The following PCNT variants were observed in gnomAD, a reference collection of about 807,000 sequenced individuals.
PCNT encodes pericentrin.
PCNT carries 319 observed loss-of-function variants against 380.4 expected under a neutral mutation model. The observed-to-expected ratio is 0.84, with a 90% CI of 0.77 to 0.92. PCNT has a LOEUF of 0.92. Ranked by LOEUF, PCNT falls within the 40% of genes least tolerant of loss-of-function variation. The pLI, the probability that PCNT is intolerant of heterozygous loss-of-function variation, is 0.00. For synonymous variants in PCNT, 1,845 were observed against 1,735.2 expected (o/e 1.06, Z -1.57); for missense variants, 4,400 against 4,255.3 (o/e 1.03, Z -0.95).
chr21:46,348,931 A>T, intron 6 of PCNT, 81 bp from the exon 7 acceptor site: 1 of 977,422 alleles, frequency 1.0e-6, no homozygotes, highest in Admixed American at 1.8e-5. Flanking sequence ...TGGCCTGCTC[A>T]GAGGTTTTGA....
chr21:46,365,536 CGT>C (rs2084885726), intron 14 of PCNT, among the ~76,000 whole-genome samples: 1 of 142,092 alleles, frequency 7.0e-6, no homozygotes, highest in Non-Finnish European at 1.5e-5. Flanking sequence ...TATTCACTGC[CGT>C]GGGGTTCTGA....
intron 42 of PCNT, 122 bp downstream of exon 42, chr21:46,440,324 C>T (rs1443389991): frequency 9.6e-7 from 1 of 1,036,788 alleles, no homozygotes; most frequent in African/African-American, 1.6e-5. Flanking sequence ...AGTCACATCA[C>T]TAAAGGAAAG....
rs914076727 is a variant in PCNT at position 46,388,267 on chromosome 21, G to T, written c.3465-475G>T. On this transcript the variant is annotated intron_variant, in intron 17 of 46. Coordinates refer to ENST00000359568, the MANE Select transcript of PCNT (RefSeq NM_006031.6). The surrounding 1 kb of genome is among the most constrained non-coding windows in gnomAD (Gnocchi z 4.2). The stretch of plus-strand genomic sequence containing the variant: ...GCACGTCCACGAGGCCTAGCGAGAG[G>T]CTGGGAGACACCATCCTCTTCCTGC... Among the ~76,000 whole-genome samples the T allele has an allele frequency of 6.6e-6, 1 of 152,074 alleles. No homozygotes were observed. Among genetic ancestry groups the T allele is most frequent in the Non-Finnish European group, 1.5e-5 (1 of 68,010 alleles).
At chr21:46,402,266 AATTATT>A in intron 26 of PCNT, 59 bp from the exon 27 acceptor site, 1 of 1,066,816 alleles carries the variant, frequency 9.4e-7, no homozygotes, top group Non-Finnish European at 1.4e-6. Context: ...ATAATGTCTT[AATTATT>A]AATATTAATA....
intron 15 of PCNT, among the ~76,000 whole-genome samples, chr21:46,370,396 G>A (rs966353144): frequency 6.6e-6 from 1 of 152,002 alleles, no homozygotes; most frequent in Non-Finnish European, 1.5e-5. Flanking sequence ...TGGGAGGTGC[G>A]GGGGTCGGGG....
rs1266272563 is a variant in PCNT, at chr21:46,359,480, GTTTTTTTTTTGT to G, written c.2154+2300_2154+2311del. On this transcript the variant is annotated intron_variant, in intron 13 of 46. Transcript: ENST00000359568. Reference sequence around the variant, plus strand: ...TAGTATTCTGTCCAAAAATACACCTGTTTTTTTTTTGTTTTTTTTTTTTTTTTGAGACAGTGT... The same window carrying G: ...TAGTATTCTGTCCAAAAATACACCTGTTTTTTTTTTTTTTTGAGACAGTGT... 6.2e-3 allele frequency among the ~76,000 whole-genome samples: 405 copies of G among 65,752 alleles called. 57 individuals are homozygous for G. The highest frequency in any genetic ancestry group is 0.01 in the Non-Finnish European group (304 of 29,608). The allele number at this position is 65,752 out of a possible 152,430, so 43.1% of individuals were successfully genotyped here. A position where few individuals can be genotyped will look rare whatever the true frequency, so the allele number is the denominator to read the frequency against.
intron 25 of PCNT, among the ~76,000 whole-genome samples, chr21:46,401,129 C>T (rs1167404302): frequency 6.6e-6 from 1 of 152,212 alleles, no homozygotes; most frequent in Non-Finnish European, 1.5e-5. Flanking sequence ...TGCTCTTGCG[C>T]ATGTAACGTA....
At chr21:46,418,986 C>G (rs1164446614) in intron 31 of PCNT, among the ~76,000 whole-genome samples, 1 of 152,224 alleles carries the variant, frequency 6.6e-6, no homozygotes, top group Non-Finnish European at 1.5e-5. Context: ...CTCTCATGCT[C>G]ACGCCCACTG....
chr21:46,422,413 C>T (rs2087292155), intron 32 of PCNT, among the ~76,000 whole-genome samples: 1 of 152,088 alleles, frequency 6.6e-6, no homozygotes, highest in Admixed American at 6.5e-5. Context: ...CCGGCCTGTG[C>T]CTCTCTCCCG....
chr21:46,339,768 C>G (rs1214923929), intron 3 of PCNT, among the ~76,000 whole-genome samples: 1 of 152,198 alleles, frequency 6.6e-6, no homozygotes. Context: ...CATTCAGGGA[C>G]AATACTTTGT....
In PCNT at chr21:46,418,244, C is replaced by T. The variant is rs754183032; in HGVS notation, c.6962C>T (p.Ser2321Phe). The T allele has an allele frequency of 1.2e-6, 2 of 1,610,172 alleles. No homozygotes were observed. The highest frequency in any genetic ancestry group is 2.2e-5 in the South Asian group (2 of 90,980). The change falls in exon 31 of 47, where the codon TCT becomes TTT. Residue 2321 changes from serine (S) to phenylalanine (F), a missense_variant. Ser to Phe is a radical substitution (Grantham distance 155, BLOSUM62 -2). Transcript: ENST00000359568. ...VEDFITTSFDSQETLSSPPPG... is the reference protein window; with the variant it reads ...VEDFITTSFDFQETLSSPPPG... ...GATTTTATCACAACATCCTTTGATT[C>T]TCAAGAAACATTAAGTTCACCTCCT...
Position 46,431,673 on chromosome 21 carries a change from C to A in PCNT, c.8209C>A (p.Arg2737=), listed in dbSNP as rs369377623. The part of the protein sequence containing the change: ...SRCEALLAQE[R]SQLSELQKDL... Reference sequence around the variant, plus strand: ...CTGCGAGGCCTTGCTGGCTCAGGAGCGGAGCCAGCTCTCTGAGCTCCAGAA... The same window carrying A: ...CTGCGAGGCCTTGCTGGCTCAGGAGAGGAGCCAGCTCTCTGAGCTCCAGAA... The change falls in exon 38 of 47, where the codon CGG becomes AGG. Residue 2737 remains arginine (R), a synonymous_variant. Coordinates refer to ENST00000359568, the MANE Select transcript of PCNT (RefSeq NM_006031.6). The A allele has an allele frequency of 6.2e-7, 1 of 1,613,186 alleles. No homozygotes were observed. Among genetic ancestry groups the A allele is most frequent in the East Asian group, 2.2e-5 (1 of 44,850 alleles).
Position 46,385,871 on chromosome 21 carries a change from GA to G in PCNT, c.3353del (p.Glu1118GlyfsTer56), listed in dbSNP as rs776550075. On this transcript the variant is annotated frameshift_variant, in exon 17 of 47. Coordinates refer to ENST00000359568, the MANE Select transcript of PCNT (RefSeq NM_006031.6). LOFTEE classifies it high-confidence loss of function. ...QVLSLSHEIE[E>X]CRSELEVLQQ... ...TTTATCCTTAAGTCACGAGATAGAA[GA>G]GTGCCGCTCCGAGTTGGAGGTGCTG... 2 of 1,614,208 alleles carry G rather than the reference GA, an allele frequency of 1.2e-6. No individual in the cohort carries two copies. Among genetic ancestry groups the G allele is most frequent in the Non-Finnish European group, 1.7e-6 (2 of 1,179,992 alleles).
rs72175446 is a variant in PCNT, at chr21:46,353,715, G to GGTGTGTGTGTGT, written c.1680-246_1680-235dup. 2.5e-3 allele frequency among the ~76,000 whole-genome samples: 325 copies of GGTGTGTGTGTGT among 129,030 alleles called. 2 individuals are homozygous for GGTGTGTGTGTGT. Among genetic ancestry groups the GGTGTGTGTGTGT allele is most frequent in the African/African-American group, 8.4e-3 (294 of 35,130 alleles). 84.6% of individuals were successfully genotyped at this position (129,030 alleles called of 152,430 possible). A position where few individuals can be genotyped will look rare whatever the true frequency, so the allele number is the denominator to read the frequency against. On this transcript the variant is annotated intron_variant, in intron 10 of 46. Transcript: ENST00000359568. ...TTGGTGGCAGGGGCACTCTCCTCCA[G>GGTGTGTGTGTGT]GTGTGTGTGTGTGTGTGTGTGTGTG...
intron 11 of PCNT, among the ~76,000 whole-genome samples, chr21:46,354,466 T>C (rs1267152584): frequency 6.6e-6 from 1 of 152,242 alleles, no homozygotes; most frequent in African/African-American, 2.4e-5. Flanking sequence ...CTGCGACTTC[T>C]GTCACCTTTA....
At position 46,390,784 on chromosome 21, in the gene PCNT, G is replaced by A. The variant is rs1321822138; in HGVS notation, c.3955G>A (p.Glu1319Lys). The A allele has an allele frequency of 6.2e-7, 1 of 1,612,708 alleles. No individual in the cohort carries two copies. The change falls in exon 20 of 47, where the codon GAG becomes AAG. Residue 1319 changes from glutamate to lysine, a missense_variant. Physicochemically the swap from Glu to Lys is moderately conservative, Grantham distance 56. Coordinates refer to ENST00000359568, the MANE Select transcript of PCNT (RefSeq NM_006031.6). ...GGAGCTGCTGGAGTGTTTGAAGGAG[G>A]AGAGCGCAGCAAAGGCAGAGCTGGC... The part of the protein sequence containing the change: ...HQELLECLKE[E>K]SAAKAELALE...
rs771485580 is a variant in PCNT, at chr21:46,348,993, T to A, written c.1033-19T>A. The A allele has an allele frequency of 2.0e-5, 29 of 1,483,026 alleles. No individual in the cohort carries two copies. In the Middle Eastern group the frequency reaches 9.0e-4, roughly 46 times the overall value. 91.9% of individuals were successfully genotyped at this position (1,483,026 alleles called of 1,614,324 possible). On this transcript the variant is annotated intron_variant, in intron 6 of 46. Transcript: ENST00000359568. Reference sequence around the variant, plus strand: ...AGATAATCAACTATTGAGTTTAATTTTTTTTTCTTTTAAATTAGACCCTGA... The same window carrying A: ...AGATAATCAACTATTGAGTTTAATTATTTTTTCTTTTAAATTAGACCCTGA...
intron 2 of PCNT, among the ~76,000 whole-genome samples, chr21:46,333,637 A>C (rs186158185): frequency 5.1e-4 from 78 of 151,692 alleles, no homozygotes; most frequent in African/African-American, 1.8e-3. Flanking sequence ...ACGGTTACTC[A>C]CACCTGTAAT....
intron 3 of PCNT, among the ~76,000 whole-genome samples, chr21:46,337,463 C>G (rs1438231862): frequency 6.6e-6 from 1 of 152,246 alleles, no homozygotes; most frequent in African/African-American, 2.4e-5. Context: ...CCTCTCTTCC[C>G]CAGCCCTTCA....
Sources: allele counts gnomAD v4.1 joint callset (sites outside exome capture counted in the v4.1 genomes callset), GRCh38; gene constraint gnomAD v4.1.1; non-coding constraint Gnocchi (gnomAD v3.1); transcripts MANE v1.5; gene names NCBI Gene and HGNC (gene_info 2026-07-23, HGNC 2026-07-21).